FGGY: variants seen among roughly 807,000 people sequenced by gnomAD.
FGGY encodes FGGY carbohydrate kinase domain-containing protein.
Under a neutral mutation model 71.3 loss-of-function variants are expected in FGGY, and 72 were observed. The ratio of observed to expected loss-of-function variants is 1.01; its 90% CI spans 0.84 to 1.23. The LOEUF (loss-of-function observed/expected upper bound fraction) is 1.23, where lower values mean the gene tolerates loss of function less well. Ranked by LOEUF, FGGY falls within the 50% of genes most tolerant of loss-of-function variation. FGGY has a pLI of 0.00. For missense variants in FGGY, 668 were observed against 682.3 expected (o/e 0.98, Z 0.23); for synonymous variants, 251 against 250.3 (o/e 1.00, Z -0.02).
intron 6 of FGGY, among the ~76,000 whole-genome samples, chr1:59,489,315 A>G (rs772593994): frequency 2.0e-5 from 3 of 152,098 alleles, no homozygotes; most frequent in Non-Finnish European, 4.4e-5. Context: ...ACTAGAACTT[A>G]TTACTCGCAT....
In FGGY at chr1:59,649,825, T is replaced by C. The variant is rs550421632; in HGVS notation, c.1222-10394T>C. On this transcript the variant is annotated intron_variant, in intron 11 of 15. Transcript: ENST00000303721. ...GGTGAGAGAGGGCATCCCTGTCTTG[T>C]GCCAGTTTTCAAAGGGAATGCTTCC... is the stretch of plus-strand genomic sequence containing the variant. Among the ~76,000 whole-genome samples, 6 of 141,866 alleles carry C rather than the reference T, an allele frequency of 4.2e-5. No individual in the cohort carries two copies. The East Asian group carries it at 8.0e-4, about 19-fold the overall frequency. 93.1% of individuals were successfully genotyped at this position (141,866 alleles called of 152,430 possible).
At chr1:59,742,780 G>A (rs961077735) in intron 14 of FGGY, among the ~76,000 whole-genome samples, 1 of 152,178 alleles carries the variant, frequency 6.6e-6, no homozygotes, top group African/African-American at 2.4e-5. Flanking sequence ...CTGTCTTTCT[G>A]CTCCACATCA....
intron 4 of FGGY, among the ~76,000 whole-genome samples, chr1:59,355,665 G>A (rs1000888597): frequency 6.6e-6 from 1 of 151,590 alleles, no homozygotes; most frequent in Non-Finnish European, 1.5e-5. Flanking sequence ...CTGTTTTACT[G>A]TATCTGTGTG....
At chr1:59,499,299 G>GTTTTTTTGTTTT (rs2094146439) in intron 6 of FGGY, among the ~76,000 whole-genome samples, 2 of 105,804 alleles carry the variant, frequency 1.9e-5, no homozygotes, top group Non-Finnish European at 3.7e-5. Flanking sequence ...TACTATGTTT[G>GTTTTTTTGTTTT]TTTTTTTTTT....
intron 8 of FGGY, among the ~76,000 whole-genome samples, 195 bp downstream of exon 8, chr1:59,554,422 G>A (rs1386375550): frequency 6.6e-6 from 1 of 152,102 alleles, no homozygotes; most frequent in Non-Finnish European, 1.5e-5. Flanking sequence ...TTTTCCAGGG[G>A]CCAAATTCTT....
intron 11 of FGGY, among the ~76,000 whole-genome samples, chr1:59,659,834 C>T (rs1011794913): frequency 6.6e-6 from 1 of 152,178 alleles, no homozygotes. Flanking sequence ...GAACTCAAAA[C>T]AAGATCATCT....
chr1:59,576,673 G>GAC (rs757918588), intron 8 of FGGY, among the ~76,000 whole-genome samples: 3,093 of 132,044 alleles, frequency 0.023, 51 homozygotes, highest in Non-Finnish European at 0.03. Context: ...CAGACAGACA[G>GAC]ACAGACACAC....
chr1:59,362,719 A>G (rs751568417), intron 4 of FGGY, among the ~76,000 whole-genome samples: 9 of 152,158 alleles, frequency 5.9e-5, no homozygotes, highest in Non-Finnish European at 1.2e-4. Flanking sequence ...CTCCTTCATG[A>G]TCATACAGAA....
chr1:59,671,425 A>G (rs76678876), intron 13 of FGGY, among the ~76,000 whole-genome samples: 1 of 152,254 alleles, frequency 6.6e-6, no homozygotes, highest in African/African-American at 2.4e-5. Context: ...GCCTGGTGGG[A>G]TGTGTGAAGA....
intron 3 of FGGY, 36 bp downstream of exon 3, chr1:59,340,105 A>G (rs764668040): frequency 6.8e-7 from 1 of 1,474,170 alleles, no homozygotes; most frequent in South Asian, 1.2e-5. Context: ...CAGTGGTGGG[A>G]TACTTGGCTG....
intron 11 of FGGY, among the ~76,000 whole-genome samples, chr1:59,642,077 T>C (rs2097035153): frequency 6.6e-6 from 1 of 151,826 alleles, no homozygotes; most frequent in African/African-American, 2.4e-5. Context: ...GCAGGAAGTG[T>C]GAATTAGGAG....
intron 10 of FGGY, among the ~76,000 whole-genome samples, chr1:59,635,501 A>T (rs763809541): frequency 2.6e-5 from 4 of 151,970 alleles, no homozygotes; most frequent in Non-Finnish European, 5.9e-5. Flanking sequence ...TGCCCTGCTC[A>T]GAGATTCCTT....
At chr1:59,500,153 A>G (rs944889444) in intron 6 of FGGY, among the ~76,000 whole-genome samples, 1 of 152,230 alleles carries the variant, frequency 6.6e-6, no homozygotes, top group Admixed American at 6.5e-5. Context: ...CTTTAAACAA[A>G]TATGATCAGA....
chr1:59,537,790 C>A (rs2095357557), intron 7 of FGGY, among the ~76,000 whole-genome samples: 2 of 152,146 alleles, frequency 1.3e-5, no homozygotes, highest in African/African-American at 4.8e-5. Context: ...AACTGGCTAG[C>A]CATATGGAGA....
chr1:59,585,181 T>C (rs1310435627), intron 8 of FGGY, among the ~76,000 whole-genome samples: 1 of 152,128 alleles, frequency 6.6e-6, no homozygotes, highest in Non-Finnish European at 1.5e-5. Flanking sequence ...TTAAAGCTCA[T>C]ATGGAATCAA....
intron 14 of FGGY, 78 bp from the exon 15 acceptor site, chr1:59,757,853 G>A: frequency 1.1e-6 from 1 of 947,034 alleles, no homozygotes; most frequent in Non-Finnish European, 1.7e-6. Flanking sequence ...ATTCAAATTA[G>A]AATGTTTTGC....
chr1:59,371,474 C>T (rs1300129497), intron 4 of FGGY, among the ~76,000 whole-genome samples: 1 of 152,116 alleles, frequency 6.6e-6, no homozygotes, highest in African/African-American at 2.4e-5. Flanking sequence ...TTTAACACCC[C>T]ACTGTCAACA....
chr1:59,704,560 A>G lies in FGGY; in HGVS notation c.1512+30427A>G, dbSNP rs572066084. Among the ~76,000 whole-genome samples the G allele has an allele frequency of 2.0e-5, 3 of 152,260 alleles. No homozygotes were observed. In the East Asian group the frequency reaches 5.8e-4, roughly 29 times the overall value. On this transcript the variant is annotated intron_variant, in intron 14 of 15. Transcript: ENST00000303721. ...CTGTTTAAATAGTAGAGGATGAAAA[A>G]GAGATAACTTTTTTTATCTACAAGA...
chr1:59,652,541 G>A (rs1341092613), intron 11 of FGGY, among the ~76,000 whole-genome samples: 65 of 142,950 alleles, frequency 4.5e-4, no homozygotes, highest in Non-Finnish European at 6.3e-4. Flanking sequence ...CCAGTTGATC[G>A]CATCGGCTCC....
Sources: allele counts gnomAD v4.1 joint callset (sites outside exome capture counted in the v4.1 genomes callset), GRCh38; gene constraint gnomAD v4.1.1; transcripts MANE v1.5; gene names NCBI Gene and HGNC (gene_info 2026-07-23, HGNC 2026-07-21).